The following RPL32 variants were observed in gnomAD, a reference collection of about 807,000 sequenced individuals.
RPL32 encodes ribosomal protein L32.
For missense variants in RPL32, 117 were observed against 173.7 expected (o/e 0.67, Z 1.83); for synonymous variants, 61 against 62.6 (o/e 0.98, Z 0.12).
rs762153319 is a variant in RPL32 at position 12,840,154 on chromosome 3, A to G, written c.84T>C (p.Tyr28=). Residue 28 remains tyrosine (Y), a synonymous_variant, in exon 2 of 4, where the codon TAT becomes TAC. Coordinates refer to ENST00000429711, the MANE Select transcript of RPL32 (RefSeq NM_000994.4). ...KKFIRHQSDR[Y]VKIKRNWRKP... ...CAGGACCACATACCTTAATTTTGAC[A>G]TATCGGTCTGACTGGTGCCGGATGA... is the stretch of plus-strand genomic sequence containing the variant. 33 of 1,613,560 alleles carry G rather than the reference A, an allele frequency of 2.0e-5. No homozygotes were observed. The highest frequency in any genetic ancestry group is 2.4e-5 in the Non-Finnish European group (28 of 1,179,614).
chr3:12,835,464 A>G lies in RPL32; in HGVS notation c.*630T>C, dbSNP rs934247250. On this transcript the variant is annotated 3_prime_UTR_variant, in exon 4 of 4. Coordinates refer to ENST00000429711, the MANE Select transcript of RPL32 (RefSeq NM_000994.4). Reference sequence around the variant, plus strand: ...TTCTGAGTACCAGTCAAGAGGCTCAATTGTCACCAGTTAGGTCCCCGCCTT... The same window carrying G: ...TTCTGAGTACCAGTCAAGAGGCTCAGTTGTCACCAGTTAGGTCCCCGCCTT... 2.6e-5 allele frequency: 4 copies of G among 152,502 alleles called. No homozygotes were observed. The highest frequency in any genetic ancestry group is 6.5e-5 in the Admixed American group (1 of 15,314). The allele number at this position is 152,502 out of a possible 1,614,324, so 9.4% of individuals were successfully genotyped here.
At chr3:12,838,073 CT>C (rs2062113186) in intron 3 of RPL32, among the ~76,000 whole-genome samples, 1 of 152,198 alleles carries the variant, frequency 6.6e-6, no homozygotes, top group Admixed American at 6.5e-5. Flanking sequence ...TGAACAGCCA[CT>C]GCACTGTAGC....
intron 2 of RPL32, 127 bp downstream of exon 2, chr3:12,840,015 T>G (rs2062135486): frequency 7.5e-6 from 6 of 800,082 alleles, no homozygotes; most frequent in Admixed American, 1.8e-5. Flanking sequence ...GGGAGACCTG[T>G]ATTTCTACAG....
chr3:12,839,782 G>A, intron 2 of RPL32, among the ~76,000 whole-genome samples: 1 of 152,116 alleles, frequency 6.6e-6, no homozygotes, highest in African/African-American at 2.4e-5. Context: ...GGATGCGAGG[G>A]GACTGTGTAG....
intron 2 of RPL32, 37 bp downstream of exon 2, chr3:12,840,105 T>C (rs745763336): frequency 2.0e-6 from 3 of 1,483,172 alleles, no homozygotes; most frequent in Non-Finnish European, 2.8e-6. Context: ...AACTCTTTTC[T>C]TCACCCCACA....
intron 3 of RPL32, among the ~76,000 whole-genome samples, chr3:12,837,094 A>G (rs80067234): frequency 0.043 from 6,519 of 152,300 alleles, 466 homozygotes; most frequent in African/African-American, 0.15. Context: ...GACTTAGGTT[A>G]TATTACACTT....
At chr3:12,837,371 A>G (rs1305515275) in intron 3 of RPL32, among the ~76,000 whole-genome samples, 2 of 152,252 alleles carry the variant, frequency 1.3e-5, no homozygotes, top group Admixed American at 6.5e-5. Flanking sequence ...CTTAAGGACA[A>G]ATGCCCAGAA....
intron 2 of RPL32, 90 bp from the exon 3 acceptor site, chr3:12,839,620 G>C (rs2062130477): frequency 1.6e-6 from 2 of 1,265,404 alleles, no homozygotes; most frequent in Non-Finnish European, 2.3e-6. Flanking sequence ...AAATGAAAAG[G>C]AAGTATGCCA....
chr3:12,841,131 A>G (rs1423682608), intron 1 of RPL32: 1 of 152,572 alleles, frequency 6.6e-6, no homozygotes, highest in Non-Finnish European at 1.5e-5. Flanking sequence ...GAACGAATAC[A>G]CGTGGGCCGA....
In RPL32 at chr3:12,835,112, A is replaced by ATAAG. The variant is rs2062089346; in HGVS notation, c.*978_*981dup. 6.6e-6 allele frequency: 1 copy of ATAAG among 152,230 alleles called. No individual in the cohort carries two copies. Among genetic ancestry groups the ATAAG allele is most frequent in the Non-Finnish European group, 1.5e-5 (1 of 68,054 alleles). The allele number at this position is 152,230 out of a possible 1,614,324, so 9.4% of individuals were successfully genotyped here. On this transcript the variant is annotated 3_prime_UTR_variant, in exon 4 of 4. Transcript: ENST00000429711. ...AACATCCTGTAAGCATTTCTGTCTC[A>ATAAG]TAAGTACCACATCCCATATCCCTCA...
In RPL32 at chr3:12,835,883, C is replaced by G; in HGVS notation, c.*211G>C. On this transcript the variant is annotated 3_prime_UTR_variant, in exon 4 of 4. Transcript: ENST00000429711. ...TCAACTGGAGATGACTAAGGCTAGT[C>G]TGTGCACTTGAGGCCACATTCCCCT... is the stretch of plus-strand genomic sequence containing the variant. 1.7e-6 allele frequency: 1 copy of G among 577,996 alleles called. No homozygotes were observed. Among genetic ancestry groups the G allele is most frequent in the Non-Finnish European group, 3.0e-6 (1 of 330,676 alleles). The allele number at this position is 577,996 out of a possible 1,614,324, so 35.8% of individuals were successfully genotyped here.
At chr3:12,839,311 T>A in intron 3 of RPL32, 38 bp downstream of exon 3, 1 of 1,600,786 alleles carries the variant, frequency 6.2e-7, no homozygotes, top group Non-Finnish European at 8.6e-7. Flanking sequence ...AGATGCAAAC[T>A]TCTGATCACT....
chr3:12,840,403 G>C, intron 1 of RPL32, 161 bp from the exon 2 acceptor site: 1 of 743,822 alleles, frequency 1.3e-6, no homozygotes, highest in Non-Finnish European at 2.5e-6. Context: ...CTCCCTTTCC[G>C]AAGCTGGCAG....
At chr3:12,839,950 TAA>T (rs370701412) in intron 2 of RPL32, among the ~76,000 whole-genome samples, 190 bp downstream of exon 2, 1 of 152,156 alleles carries the variant, frequency 6.6e-6, no homozygotes, top group African/African-American at 2.4e-5. Context: ...CCCTTTTCAT[TAA>T]AGTTTCGCTT....
At chr3:12,840,327 T>A in intron 1 of RPL32, 85 bp from the exon 2 acceptor site, 1 of 991,408 alleles carries the variant, frequency 1.0e-6, no homozygotes, top group Non-Finnish European at 1.6e-6. Flanking sequence ...TCGCAGAGTG[T>A]CTTCCAATCG....
At chr3:12,839,555 G>A (rs757825891) in intron 2 of RPL32, 25 bp from the exon 3 acceptor site, 1 of 1,610,714 alleles carries the variant, frequency 6.2e-7, no homozygotes, top group South Asian at 1.1e-5. Context: ...ACACAGGTGG[G>A]TTAGCGTCTG....
At position 12,835,375 on chromosome 3, in the gene RPL32, A is replaced by G. The variant is rs1478113794; in HGVS notation, c.*719T>C. 1 of 152,190 alleles carries G rather than the reference A, an allele frequency of 6.6e-6. No individual in the cohort carries two copies. Among genetic ancestry groups the G allele is most frequent in the South Asian group, 2.1e-4 (1 of 4,826 alleles). 9.4% of individuals were successfully genotyped at this position (152,190 alleles called of 1,614,324 possible). ...AAGGCTGTAGTCAGTGTGCCACTGC[A>G]CTCCCAGCCTGGGTGAGAGCAAGAC... is the stretch of plus-strand genomic sequence containing the variant. On this transcript the variant is annotated 3_prime_UTR_variant, in exon 4 of 4. Transcript: ENST00000429711.
chr3:12,837,638 TGGAA>T (rs1490036853), intron 3 of RPL32, among the ~76,000 whole-genome samples: 1 of 152,258 alleles, frequency 6.6e-6, no homozygotes, highest in East Asian at 1.9e-4. Flanking sequence ...TTTCCAATCT[TGGAA>T]GGTAACCACG....
At position 12,835,149 on chromosome 3, in the gene RPL32, C is replaced by T. The variant is rs1434227934; in HGVS notation, c.*945G>A. On this transcript the variant is annotated 3_prime_UTR_variant, in exon 4 of 4. Transcript: ENST00000429711. ...TCCCATATCCCTCATGACCTATATACTACAGAAGATGCCTGTAATCCCAGT... is the reference window on the plus strand; with the variant it reads ...TCCCATATCCCTCATGACCTATATATTACAGAAGATGCCTGTAATCCCAGT... 6.6e-6 allele frequency: 1 copy of T among 152,202 alleles called. No individual in the cohort carries two copies. Among genetic ancestry groups the T allele is most frequent in the Non-Finnish European group, 1.5e-5 (1 of 68,038 alleles). The allele number at this position is 152,202 out of a possible 1,614,324, so 9.4% of individuals were successfully genotyped here.
Sources: allele counts gnomAD v4.1 joint callset (sites outside exome capture counted in the v4.1 genomes callset), GRCh38; gene constraint gnomAD v4.1.1; transcripts MANE v1.5; gene names NCBI Gene and HGNC (gene_info 2026-07-23, HGNC 2026-07-21).